CAST: variants seen among roughly 807,000 people sequenced by gnomAD.
The protein encoded by CAST is MIR583 host.
Under a neutral mutation model 119.6 loss-of-function variants are expected in CAST, and 76 were observed. That is an observed-to-expected ratio of 0.64 (90% CI 0.53 to 0.77). The LOEUF (loss-of-function observed/expected upper bound fraction) is 0.77. Among genes scored for constraint, CAST ranks in the 30% least tolerant of loss-of-function variants. CAST has a pLI of 0.00. For missense variants in CAST, 953 were observed against 946.5 expected, an observed-to-expected ratio of 1.01 and a Z score of -0.09; for synonymous variants, 319 against 331.6, an observed-to-expected ratio of 0.96 and a Z score of 0.41.
At chr5:96,014,659 T>C in the CAST span, among the ~76,000 whole-genome samples, 1 of 152,140 alleles carries the variant, frequency 6.6e-6, no homozygotes, top group Non-Finnish European at 1.5e-5. Context: ...TATGGGACAC[T>C]CTCTCATATG....
At chr5:96,415,384 G>A in the CAST span, among the ~76,000 whole-genome samples, 1 of 152,136 alleles carries the variant, frequency 6.6e-6, no homozygotes, top group Non-Finnish European at 1.5e-5. Flanking sequence ...ATTTTCTGCT[G>A]ACTTCTTCCC....
the CAST span, among the ~76,000 whole-genome samples, chr5:96,063,597 CAGCAAAG>C: frequency 2.0e-5 from 3 of 152,276 alleles, no homozygotes; most frequent in South Asian, 6.2e-4. Flanking sequence ...TCTGATAAAT[CAGCAAAG>C]AGCAGAGACC....
At chr5:96,635,079 A>G (rs1327043268) in intron 1 of CAST, among the ~76,000 whole-genome samples, 1 of 152,202 alleles carries the variant, frequency 6.6e-6, no homozygotes, top group Non-Finnish European at 1.5e-5. Flanking sequence ...ACTGGGTAGA[A>G]CATGACACAG....
the CAST span, among the ~76,000 whole-genome samples, chr5:96,302,147 G>T: frequency 6.6e-6 from 1 of 152,218 alleles, no homozygotes; most frequent in African/African-American, 2.4e-5. Flanking sequence ...AGCCCTTGTC[G>T]CTTACAGCTT....
chr5:96,324,805 T>C, the CAST span, among the ~76,000 whole-genome samples: 2 of 152,196 alleles, frequency 1.3e-5, no homozygotes, highest in African/African-American at 2.4e-5. Context: ...CCCTTACCTT[T>C]TTCCCCAGGT....
At chr5:96,095,278 G>A in the CAST span, among the ~76,000 whole-genome samples, 8 of 152,076 alleles carry the variant, frequency 5.3e-5, no homozygotes, top group Admixed American at 5.2e-4. Context: ...TAGAACACTT[G>A]TAAAAGTGTT....
chr5:96,593,749 C>A (rs1747004554), intron 1 of CAST, among the ~76,000 whole-genome samples: 1 of 152,180 alleles, frequency 6.6e-6, no homozygotes, highest in African/African-American at 2.4e-5. Flanking sequence ...AGAGAGAGCT[C>A]TCTTGCCCTC....
the CAST span, among the ~76,000 whole-genome samples, chr5:96,203,791 C>G: frequency 6.6e-6 from 1 of 151,992 alleles, no homozygotes; most frequent in African/African-American, 2.4e-5. Context: ...ATCAGATGAA[C>G]TTGGAAGCAT....
the CAST span, among the ~76,000 whole-genome samples, chr5:96,247,175 C>A: frequency 6.6e-6 from 1 of 152,176 alleles, no homozygotes; most frequent in Non-Finnish European, 1.5e-5. Context: ...TCTGACTGGG[C>A]AACACACATT....
the CAST span, among the ~76,000 whole-genome samples, chr5:96,099,038 C>T: frequency 6.6e-6 from 1 of 152,154 alleles, no homozygotes; most frequent in African/African-American, 2.4e-5. Context: ...AGATCTTTCA[C>T]CTCCCTAGTG....
At chr5:96,509,304 G>A in the CAST span, among the ~76,000 whole-genome samples, 1 of 152,184 alleles carries the variant, frequency 6.6e-6, no homozygotes, top group Non-Finnish European at 1.5e-5. Context: ...GCACAACAAC[G>A]GAGGTGTCAG....
Position 96,729,158 on chromosome 5 carries a change from T to A in CAST, c.384T>A (p.Ser128=), listed in dbSNP as rs138306400. 1.3e-6 allele frequency: 2 copies of A among 1,588,028 alleles called. No individual in the cohort carries two copies. The highest frequency in any genetic ancestry group is 1.3e-5 in the African/African-American group (1 of 74,498). The change falls in exon 7 of 32, where the codon TCT becomes TCA. Residue 128 remains serine (S), a synonymous_variant. Transcript: ENST00000675179. ...TAATCTTTTGAAATTGACAGCTGTC[T>A]GTGGTTCATGAGAAAAAATCCCAAG... ...PEKKSQSTKL[S]VVHEKKSQEG...
At chr5:96,537,777 G>T (rs1255610140) in intron 1 of CAST, among the ~76,000 whole-genome samples, 1 of 152,086 alleles carries the variant, frequency 6.6e-6, no homozygotes, top group East Asian at 1.9e-4. Flanking sequence ...TTGGGCCATG[G>T]TTCTTTTTTC....
the CAST span, chr5:96,429,326 G>A: frequency 7.1e-7 from 1 of 1,413,450 alleles, no homozygotes; most frequent in Admixed American, 1.7e-5. Context: ...ATCTATAAAA[G>A]GAAAGAAATA....
At chr5:96,106,693 T>C in the CAST span, among the ~76,000 whole-genome samples, 1 of 151,820 alleles carries the variant, frequency 6.6e-6, no homozygotes, top group East Asian at 1.9e-4. Flanking sequence ...AAAAAATGTA[T>C]ATTCTATTGA....
the CAST span, among the ~76,000 whole-genome samples, chr5:96,112,309 T>G: frequency 2.0e-5 from 3 of 152,292 alleles, no homozygotes; most frequent in East Asian, 5.8e-4. Context: ...TGATCCTGCC[T>G]GGGAAGTAAT....
At chr5:96,126,938 GA>G in the CAST span, among the ~76,000 whole-genome samples, 1,567 of 152,144 alleles carry the variant, frequency 0.01, 13 homozygotes, top group South Asian at 0.018. Context: ...CTAATTACTT[GA>G]AAAAGGATGA....
chr5:96,036,406 C>G, the CAST span, among the ~76,000 whole-genome samples: 2 of 152,186 alleles, frequency 1.3e-5, no homozygotes, highest in East Asian at 3.9e-4. Flanking sequence ...TTTGAGACCT[C>G]TATATTATAC....
At chr5:96,424,979 TAGAA>T in the CAST span, among the ~76,000 whole-genome samples, 53 of 65,762 alleles carry the variant, frequency 8.1e-4, no homozygotes, top group East Asian at 1.6e-3. Flanking sequence ...AAAAGAAAGA[TAGAA>T]AGAAAGAAAG....
Sources: gnomAD v4.1 joint callset for allele counts (sites outside exome capture counted in the v4.1 genomes callset) on GRCh38, gnomAD v4.1.1 for gene constraint, MANE v1.5 for transcripts, NCBI Gene and HGNC (gene_info 2026-07-23, HGNC 2026-07-21) for gene names.